Variants in DLC1 observed in about 807,000 individuals in gnomAD.
DLC1 encodes rho GTPase-activating protein 7.
DLC1 carries 54 observed loss-of-function variants against 140.3 expected under a neutral mutation model. That is an observed-to-expected ratio of 0.38 (90% CI 0.31 to 0.48). DLC1 has a LOEUF of 0.48. DLC1 is among the 20% of genes least tolerant of loss of function. DLC1 has a pLI of 0.96. For missense variants in DLC1, 2,536 were observed against 1,907.0 expected, an observed-to-expected ratio of 1.33 and a Z score of -6.14; for synonymous variants, 986 against 728.1, an observed-to-expected ratio of 1.35 and a Z score of -5.70.
chr8:13,205,152 G>C (rs561075651), intron 5 of DLC1, among the ~76,000 whole-genome samples: 2 of 152,266 alleles, frequency 1.3e-5, no homozygotes, highest in East Asian at 3.9e-4. Context: ...TAGGAAAACA[G>C]AGTTCATTTC....
intron 5 of DLC1, among the ~76,000 whole-genome samples, chr8:13,146,356 T>G (rs1314779132): frequency 6.6e-6 from 1 of 150,788 alleles, no homozygotes; most frequent in Admixed American, 6.6e-5. Flanking sequence ...AAAAGGACTC[T>G]TTTTTTTTAA....
At chr8:13,360,632 GGAAA>G (rs2117073103) in intron 4 of DLC1, among the ~76,000 whole-genome samples, 1 of 152,060 alleles carries the variant, frequency 6.6e-6, no homozygotes, top group East Asian at 1.9e-4. Context: ...GAATCAGCAA[GGAAA>G]GACTTACTCT....
intron 1 of DLC1, among the ~76,000 whole-genome samples, chr8:13,594,260 C>G (rs74789572): frequency 6.6e-6 from 1 of 152,122 alleles, no homozygotes; most frequent in Admixed American, 6.6e-5. Context: ...CAGAAAACCT[C>G]ATGACCTTTT....
Position 13,350,572 on chromosome 8 carries a change from C to T in DLC1, c.1314+42981G>A, listed in dbSNP as rs113278857. ...CTCTACTAAAAATACAAAAATTAGC[C>T]GGGCGTGGTGGTGGCCACCTGTAAT... On this transcript the variant is annotated intron_variant, in intron 4 of 17. Transcript: ENST00000276297. Among the ~76,000 whole-genome samples, 458 of 152,182 alleles carry T rather than the reference C, an allele frequency of 3.0e-3. 9 individuals are homozygous for T. The South Asian group carries it at 0.044, about 15-fold the overall frequency.
intron 5 of DLC1, among the ~76,000 whole-genome samples, chr8:13,265,146 G>A (rs930253551): frequency 6.6e-6 from 1 of 152,150 alleles, no homozygotes; most frequent in African/African-American, 2.4e-5. Context: ...ACTTAATGTG[G>A]TTTAAAAACA....
intron 1 of DLC1, among the ~76,000 whole-genome samples, chr8:13,578,571 T>C (rs185441523): frequency 6.6e-6 from 1 of 152,336 alleles, no homozygotes; most frequent in Admixed American, 6.5e-5. Flanking sequence ...GGTTGTCATC[T>C]ACACTTCTGA....
At chr8:13,600,199 C>T (rs781493125) in intron 1 of DLC1, among the ~76,000 whole-genome samples, 12 of 151,862 alleles carry the variant, frequency 7.9e-5, no homozygotes, top group Non-Finnish European at 1.6e-4. Context: ...TTGATTTAAG[C>T]TAGTGCACTA....
Position 13,094,896 on chromosome 8 carries a change from T to C in DLC1, c.3389A>G (p.Glu1130Gly), listed in dbSNP as rs369869681. ...SRIQALRQMN[E>G]GAIDCVNYEG... is the part of the protein sequence containing the mutation. The stretch of plus-strand genomic sequence containing the variant: ...GTAGTTGACACAGTCTATGGCACCT[T>C]CATTCATCTGGCGCAGAGCCTGAAT... The change falls in exon 12 of 18, where the codon GAA becomes GGA. Residue 1130 changes from glutamate to glycine, a missense_variant. By Grantham distance (98) the Glu-to-Gly change is moderately conservative. Coordinates refer to ENST00000276297, the MANE Select transcript of DLC1 (RefSeq NM_182643.3). 3.0e-5 allele frequency: 49 copies of C among 1,614,220 alleles called. 1 individual carries two copies. In the East Asian group the frequency reaches 4.2e-4, roughly 14 times the overall value.
chr8:13,124,532 C>G (rs1307401587), intron 5 of DLC1, among the ~76,000 whole-genome samples: 1 of 152,212 alleles, frequency 6.6e-6, no homozygotes, highest in Non-Finnish European at 1.5e-5. Flanking sequence ...ATTATTTCCT[C>G]AGATGTAAAA....
intron 2 of DLC1, among the ~76,000 whole-genome samples, chr8:13,491,398 A>G (rs896045879): frequency 6.6e-6 from 1 of 151,890 alleles, no homozygotes; most frequent in African/African-American, 2.4e-5. Flanking sequence ...TTTGATATGG[A>G]CTCCCCTGCA....
At chr8:13,310,819 T>C (rs1440560050) in intron 4 of DLC1, among the ~76,000 whole-genome samples, 1 of 152,216 alleles carries the variant, frequency 6.6e-6, no homozygotes, top group East Asian at 1.9e-4. Context: ...CATCATTCTT[T>C]CATTAAAAAT....
rs113243088 is a variant in DLC1, at chr8:13,137,998, C to T, written c.1349-22341G>A. On this transcript the variant is annotated intron_variant, in intron 5 of 17. Transcript: ENST00000276297. ...GGTATTAGCATGGAAAGAAAGATTACGTAGTTAACTCCTAAACTGCATGAC... is the reference window on the plus strand; with the variant it reads ...GGTATTAGCATGGAAAGAAAGATTATGTAGTTAACTCCTAAACTGCATGAC... Among the ~76,000 whole-genome samples the T allele has an allele frequency of 2.6e-3, 400 of 152,228 alleles. 1 individual carries two copies. The highest frequency in any genetic ancestry group is 9.4e-3 in the African/African-American group (391 of 41,542).
chr8:13,312,311 A>G (rs1420814414), intron 4 of DLC1, among the ~76,000 whole-genome samples: 3 of 117,238 alleles, frequency 2.6e-5, no homozygotes, highest in African/African-American at 9.5e-5. Context: ...CAGTGAGCCG[A>G]GATCGCGCCA....
At chr8:13,253,804 T>A (rs1306710760) in intron 5 of DLC1, among the ~76,000 whole-genome samples, 3 of 152,198 alleles carry the variant, frequency 2.0e-5, no homozygotes, top group East Asian at 1.9e-4. Flanking sequence ...CCCTCTTTTT[T>A]AATAACCTTC....
chr8:13,196,602 C>T (rs1585889539), intron 5 of DLC1, among the ~76,000 whole-genome samples: 2 of 152,282 alleles, frequency 1.3e-5, no homozygotes, highest in East Asian at 3.9e-4. Context: ...ACAGATACTC[C>T]TTTTACAGTT....
At chr8:13,528,543 C>T (rs901814985) in intron 1 of DLC1, among the ~76,000 whole-genome samples, 4 of 151,948 alleles carry the variant, frequency 2.6e-5, no homozygotes, top group Admixed American at 2.0e-4. Context: ...CAAAATAATC[C>T]TATTGCGGAA....
intron 5 of DLC1, among the ~76,000 whole-genome samples, chr8:13,149,612 C>G (rs958487137): frequency 1.3e-5 from 2 of 152,170 alleles, no homozygotes; most frequent in African/African-American, 2.4e-5. Context: ...TCTTCCTGCC[C>G]AAGCATGACC....
upstream of DLC1, among the ~76,000 whole-genome samples, chr8:13,519,462 A>G (rs932519163): frequency 5.3e-5 from 8 of 152,226 alleles, no homozygotes; most frequent in African/African-American, 1.7e-4. Context: ...ACTTTTGTAG[A>G]CACATCCAGA....
intron 2 of DLC1, among the ~76,000 whole-genome samples, chr8:13,416,384 A>C (rs549302490): frequency 2.0e-5 from 3 of 152,242 alleles, no homozygotes; most frequent in Admixed American, 2.0e-4. Context: ...GATTTGATAT[A>C]AAATTCAAAA....
Sources: allele counts gnomAD v4.1 joint callset (sites outside exome capture counted in the v4.1 genomes callset), GRCh38; gene constraint gnomAD v4.1.1; transcripts MANE v1.5; gene names NCBI Gene and HGNC (gene_info 2026-07-23, HGNC 2026-07-21).